Variants in MYOF observed in about 807,000 individuals in gnomAD.
MYOF encodes the protein fer-1-like 3, myoferlin.
Under a neutral mutation model 284.2 loss-of-function variants are expected in MYOF, and 244 were observed. That is an observed-to-expected ratio of 0.86 (90% confidence interval 0.77 to 0.95). The LOEUF is 0.95. MYOF is among the 40% of genes least tolerant of loss of function. The pLI is 0.00. For synonymous variants in MYOF, 904 were observed against 919.7 expected, an observed-to-expected ratio of 0.98 and a Z score of 0.31; for missense variants, 2,496 against 2,560.6, an observed-to-expected ratio of 0.97 and a Z score of 0.54.
At chr10:93,463,030 A>C (rs1441920077) in intron 1 of MYOF, among the ~76,000 whole-genome samples, 1 of 152,160 alleles carries the variant, frequency 6.6e-6, no homozygotes, top group Admixed American at 6.5e-5. Context: ...GCACACTCTG[A>C]GTGTGCTCAA....
At chr10:93,362,025 T>G (rs145727343) in intron 27 of MYOF, among the ~76,000 whole-genome samples, 2,811 of 152,102 alleles carry the variant, frequency 0.018, 91 homozygotes, top group African/African-American at 0.064. Flanking sequence ...CTCGGCTCAC[T>G]GCAACCTCTG....
intron 31 of MYOF, 142 bp from the exon 32 acceptor site, chr10:93,354,030 G>A (rs1487299594): frequency 3.4e-6 from 2 of 595,640 alleles, no homozygotes; most frequent in Non-Finnish European, 5.7e-6. Context: ...AGAGCACATA[G>A]AATAGTGATG....
chr10:93,399,292 G>T (rs2134078207), intron 13 of MYOF, 100 bp downstream of exon 13: 3 of 867,180 alleles, frequency 3.5e-6, no homozygotes, highest in Non-Finnish European at 5.4e-6. Context: ...TCATCAGGGG[G>T]CTATTTTAAC....
intron 39 of MYOF, chr10:93,338,288 T>C (rs1843708670): frequency 2.2e-6 from 1 of 459,330 alleles, no homozygotes; most frequent in African/African-American, 2.0e-5. Context: ...TTTTCTACTA[T>C]CTCATTTTCT....
intron 44 of MYOF, among the ~76,000 whole-genome samples, chr10:93,329,186 T>C (rs17477802): frequency 0.22 from 34,064 of 152,166 alleles, 5,076 homozygotes; most frequent in Non-Finnish European, 0.34. Context: ...ACTCTAGTCA[T>C]AATAGGCAAA....
At position 93,369,660 on chromosome 10, in the gene MYOF, G is replaced by T. The variant is rs772023999; in HGVS notation, c.2574C>A (p.Thr858=). The T allele has an allele frequency of 6.2e-7, 1 of 1,614,150 alleles. No individual in the cohort carries two copies. Among genetic ancestry groups the T allele is most frequent in the Non-Finnish European group, 8.5e-7 (1 of 1,180,014 alleles). Reference sequence around the variant, plus strand: ...TTAAAGGTACCATTTCAGCAAAGACGGTGAAAGTTCCTTCTGCGAAGCTGT... The same window carrying T: ...TTAAAGGTACCATTTCAGCAAAGACTGTGAAAGTTCCTTCTGCGAAGCTGT... The part of the protein sequence containing the change: ...KFNSFAEGTF[T]VFAEMYENQA... The change falls in exon 25 of 54, where the codon ACC becomes ACA. Residue 858 remains threonine, a synonymous_variant. Coordinates refer to ENST00000359263, the MANE Select transcript of MYOF (RefSeq NM_013451.4).
At chr10:93,423,788 G>A (rs1001332953) in intron 5 of MYOF, among the ~76,000 whole-genome samples, 23 of 150,986 alleles carry the variant, frequency 1.5e-4, no homozygotes, top group African/African-American at 5.4e-4. Context: ...AGCCGAGATC[G>A]TGCCACTGCA....
chr10:93,407,939 C>T (rs1178470521), intron 7 of MYOF, among the ~76,000 whole-genome samples: 1 of 149,018 alleles, frequency 6.7e-6, no homozygotes, highest in Non-Finnish European at 1.5e-5. Flanking sequence ...ATTTAGGAGA[C>T]ATCATGTCCT....
Position 93,429,939 on chromosome 10 carries a change from A to ATT in MYOF, c.345+1467_345+1468dup, listed in dbSNP as rs373810655. ...ATATTAAGATGTACTTATTTTTTTA[A>ATT]TTTTTTTTTTTTTGAGATGGAGTCT... On this transcript the variant is annotated intron_variant, in intron 4 of 53. Coordinates refer to ENST00000359263, the MANE Select transcript of MYOF (RefSeq NM_013451.4). 1.9e-4 allele frequency among the ~76,000 whole-genome samples: 28 copies of ATT among 145,652 alleles called. 1 individual carries two copies. The highest frequency in any genetic ancestry group is 2.6e-4 in the Non-Finnish European group (17 of 66,150).
intron 19 of MYOF, among the ~76,000 whole-genome samples, chr10:93,384,969 C>G (rs1037348024): frequency 6.6e-6 from 1 of 152,182 alleles, no homozygotes; most frequent in South Asian, 2.1e-4. Context: ...CCTGATGGAG[C>G]AGCTGGAAGA....
At chr10:93,367,139 C>T (rs927008716) in intron 25 of MYOF, among the ~76,000 whole-genome samples, 6 of 152,180 alleles carry the variant, frequency 3.9e-5, no homozygotes, top group African/African-American at 1.2e-4. Context: ...AGCCTTAATT[C>T]CATCTGGAAT....
At chr10:93,467,094 G>A (rs2057026597) in intron 1 of MYOF, among the ~76,000 whole-genome samples, 2 of 152,154 alleles carry the variant, frequency 1.3e-5, no homozygotes, top group Admixed American at 6.5e-5. Context: ...CGAGATCATA[G>A]AGCCAGTAAG....
At chr10:93,443,810 GAACTACAGTCAATTCCA>G (rs2056349039) in intron 3 of MYOF, among the ~76,000 whole-genome samples, 1 of 152,092 alleles carries the variant, frequency 6.6e-6, no homozygotes, top group African/African-American at 2.4e-5. Context: ...TAGCATAACG[GAACTACAGTCAATTCCA>G]AACTACAGTC....
At chr10:93,407,246 C>T (rs764870020) in intron 7 of MYOF, among the ~76,000 whole-genome samples, 5 of 150,956 alleles carry the variant, frequency 3.3e-5, no homozygotes, top group Admixed American at 3.3e-4. Flanking sequence ...GGAAACATGG[C>T]AAAACCCCAT....
chr10:93,336,291 G>A (rs1843603855), intron 40 of MYOF, among the ~76,000 whole-genome samples: 1 of 152,172 alleles, frequency 6.6e-6, no homozygotes. Context: ...GATGACAAGT[G>A]AAAACACGTA....
At chr10:93,476,292 G>GC (rs1161547717) in intron 1 of MYOF, among the ~76,000 whole-genome samples, 1 of 106,568 alleles carries the variant, frequency 9.4e-6, no homozygotes, top group African/African-American at 3.7e-5. Context: ...TGGCTTTGTT[G>GC]CCAGGCTGGA....
chr10:93,370,164 C>T (rs11187400), intron 24 of MYOF, among the ~76,000 whole-genome samples: 34,220 of 152,000 alleles, frequency 0.23, 5,457 homozygotes, highest in East Asian at 0.86. Flanking sequence ...CAAACTGGAC[C>T]TAGTAGTAAC....
At chr10:93,425,326 G>C (rs1848536312) in intron 5 of MYOF, among the ~76,000 whole-genome samples, 1 of 152,080 alleles carries the variant, frequency 6.6e-6, no homozygotes, top group African/African-American at 2.4e-5. Flanking sequence ...ACTGTGCCTT[G>C]GTCATGCATC....
intron 1 of MYOF, among the ~76,000 whole-genome samples, chr10:93,473,232 A>G (rs2057189106): frequency 6.6e-6 from 1 of 152,228 alleles, no homozygotes; most frequent in African/African-American, 2.4e-5. Context: ...CCCTGGAAGG[A>G]GACAGGCTGC....
Sources: allele counts gnomAD v4.1 joint callset (sites outside exome capture counted in the v4.1 genomes callset), GRCh38; gene constraint gnomAD v4.1.1; transcripts MANE v1.5; gene names NCBI Gene and HGNC (gene_info 2026-07-23, HGNC 2026-07-21).